Variants in TBPL2 observed in about 807,000 individuals in gnomAD.
TBPL2 encodes the protein TATA-box binding protein like 2, also known as TATA box-binding protein-like 2.
In TBPL2, 40 loss-of-function variants were observed where a neutral mutation model predicts 38.2. The ratio of observed to expected loss-of-function variants is 1.05; its 90% CI spans 0.81 to 1.36. The LOEUF (loss-of-function observed/expected upper bound fraction) is 1.36. Ranked by LOEUF, TBPL2 falls within the 40% of genes most tolerant of loss-of-function variation. The pLI is 0.00. For synonymous variants in TBPL2, 169 were observed against 171.7 expected (o/e 0.98, Z 0.12); for missense variants, 461 against 456.7 (o/e 1.01, Z -0.09).
intron 4 of TBPL2, among the ~76,000 whole-genome samples, chr14:55,430,666 A>T (rs1885911710): frequency 6.6e-6 from 1 of 152,092 alleles, no homozygotes. Context: ...CCAAGTACTG[A>T]GGTTACAGGT....
chr14:55,423,326 C>T (rs1253019302), intron 6 of TBPL2, among the ~76,000 whole-genome samples: 1 of 152,150 alleles, frequency 6.6e-6, no homozygotes. Context: ...GTCATATATC[C>T]CTTTAAAACA....
At chr14:55,420,656 G>A (rs1195147286) in intron 6 of TBPL2, among the ~76,000 whole-genome samples, 1 of 152,164 alleles carries the variant, frequency 6.6e-6, no homozygotes. Flanking sequence ...TGCCTATTCT[G>A]TATACTTAGA....
Position 55,416,088 on chromosome 14 carries a change from A to C in TBPL2, c.1052-1633T>G, listed in dbSNP as rs139638810. Among the ~76,000 whole-genome samples the C allele has an allele frequency of 2.3e-3, 346 of 152,170 alleles. 2 individuals are homozygous for C. The highest frequency in any genetic ancestry group is 7.7e-3 in the African/African-American group (318 of 41,506). On this transcript the variant is annotated intron_variant, in intron 6 of 6. Transcript: ENST00000247219. ...GGTAGTTGCCAGGGGAAGTGAGGAG[A>C]GGGGAATGGGGGGAATGGTTTAATG...
intron 6 of TBPL2, among the ~76,000 whole-genome samples, chr14:55,415,834 C>G (rs1234826228): frequency 1.3e-5 from 2 of 152,102 alleles, no homozygotes; most frequent in Non-Finnish European, 2.9e-5. Context: ...CCATTACACT[C>G]CAGCCTGGGC....
At chr14:55,440,477 G>C (rs771446243) in exon 1 of TBPL2, 77 of 1,612,630 alleles carry the variant, frequency 4.8e-5, no homozygotes, top group Admixed American at 2.3e-4. Flanking sequence ...TTGGGGGTGG[G>C]GGCGGGTAAG....
At chr14:55,417,063 G>A (rs1422561923) in intron 6 of TBPL2, among the ~76,000 whole-genome samples, 1 of 152,244 alleles carries the variant, frequency 6.6e-6, no homozygotes, top group Non-Finnish European at 1.5e-5. Flanking sequence ...CCTTTCCCAA[G>A]AGGGAATGGA....
intron 6 of TBPL2, among the ~76,000 whole-genome samples, chr14:55,417,707 C>T (rs958653743): frequency 6.6e-6 from 1 of 152,118 alleles, no homozygotes; most frequent in Non-Finnish European, 1.5e-5. Flanking sequence ...AGTGATCTGC[C>T]CACCTTGGCC....
chr14:55,429,093 T>C, intron 4 of TBPL2, 119 bp from the exon 5 acceptor site: 2 of 1,273,628 alleles, frequency 1.6e-6, no homozygotes, highest in Non-Finnish European at 2.1e-6. Context: ...ACTATGAAGC[T>C]GTAGGCTTTG....
intron 4 of TBPL2, among the ~76,000 whole-genome samples, chr14:55,432,227 G>C (rs1445512590): frequency 1.4e-5 from 2 of 147,204 alleles, no homozygotes; most frequent in Non-Finnish European, 3.0e-5. Context: ...GGGCAATATG[G>C]GGAAACCCCC....
At chr14:55,437,075 A>T (rs1039321293) in intron 1 of TBPL2, 57 bp from the exon 2 acceptor site, 27 of 1,476,494 alleles carry the variant, frequency 1.8e-5, no homozygotes, top group Non-Finnish European at 2.5e-5. Flanking sequence ...AGCATGTTAC[A>T]CAAAAGGGAT....
At chr14:55,438,969 ACT>A (rs1449789354) in intron 1 of TBPL2, 1 of 139,180 alleles carries the variant, frequency 7.2e-6, no homozygotes, top group Non-Finnish European at 1.5e-5. Context: ...ACGGAGTCTC[ACT>A]CTGTCGCCCA....
chr14:55,414,438 CAG>C lies in TBPL2; in HGVS notation c.1067_1068del (p.Ser356Ter), dbSNP rs1347670593. 1.9e-6 allele frequency: 3 copies of C among 1,606,402 alleles called. No individual in the cohort carries two copies. The highest frequency in any genetic ancestry group is 2.7e-5 in the African/African-American group (2 of 74,662). ...ATGTTTTCAAATGCTTCATAGATCT[CAG>C]AACGTTCTTTGGCACCTATAAAGAA... is the stretch of plus-strand genomic sequence containing the variant. On this transcript the variant is annotated frameshift_variant, in exon 7 of 7. Transcript: ENST00000247219. LOFTEE classifies it high-confidence loss of function.
At chr14:55,428,296 A>AT (rs1321865753) in intron 5 of TBPL2, among the ~76,000 whole-genome samples, 3 of 151,388 alleles carry the variant, frequency 2.0e-5, no homozygotes, top group South Asian at 4.2e-4. Context: ...CGCCCGGCTA[A>AT]TTTTTTGTAT....
chr14:55,428,879 A>G (rs771604800), exon 5 of TBPL2: 1 of 1,614,134 alleles, frequency 6.2e-7, no homozygotes, highest in Non-Finnish European at 8.5e-7. Context: ...GCTTCCAACC[A>G]TGTTCTGAAT....
At chr14:55,420,415 T>G (rs183567800) in intron 6 of TBPL2, among the ~76,000 whole-genome samples, 1 of 152,310 alleles carries the variant, frequency 6.6e-6, no homozygotes, top group East Asian at 1.9e-4. Context: ...ATAAGGAACA[T>G]TTGTCTCTAA....
At chr14:55,432,581 T>C (rs28521502) in intron 4 of TBPL2, among the ~76,000 whole-genome samples, 51 of 152,322 alleles carry the variant, frequency 3.3e-4, no homozygotes, top group African/African-American at 1.2e-3. Context: ...CATAGCAATT[T>C]CTGCACTTCT....
At chr14:55,438,112 T>A (rs1352840682) in intron 1 of TBPL2, among the ~76,000 whole-genome samples, 1 of 152,192 alleles carries the variant, frequency 6.6e-6, no homozygotes, top group Non-Finnish European at 1.5e-5. Context: ...GACTCCAGAT[T>A]TTGAGCACTG....
At chr14:55,426,792 G>A (rs1885831965) in intron 5 of TBPL2, among the ~76,000 whole-genome samples, 2 of 152,172 alleles carry the variant, frequency 1.3e-5, no homozygotes, top group Non-Finnish European at 2.9e-5. Flanking sequence ...ACAGGGATGG[G>A]CCCACTCCGT....
At chr14:55,440,553 C>T (rs747137607) in exon 1 of TBPL2, 5 of 1,585,122 alleles carry the variant, frequency 3.2e-6, no homozygotes, top group Middle Eastern at 2.2e-4. Flanking sequence ...CATTTATGAG[C>T]CTGGGGGCAG....
Sources: allele counts gnomAD v4.1 joint callset (sites outside exome capture counted in the v4.1 genomes callset), GRCh38; gene constraint gnomAD v4.1.1; transcripts MANE v1.5; gene names NCBI Gene and HGNC (gene_info 2026-07-23, HGNC 2026-07-21).